MSN: variants seen among roughly 807,000 people sequenced by gnomAD.
The protein encoded by MSN is moesin.
Under a neutral mutation model 48.0 loss-of-function variants are expected in MSN, and 2 were observed. That is an observed-to-expected ratio of 0.04 (90% CI 0.02 to 0.13). MSN has a LOEUF of 0.13. MSN is among the 10% of genes least tolerant of loss of function. The probability of loss-of-function intolerance (pLI) is 1.00; values close to 1 mark genes in which losing one functional copy is unlikely to be tolerated. For missense variants in MSN, 267 were observed against 470.1 expected, an observed-to-expected ratio of 0.57 and a Z score of 3.99; for synonymous variants, 146 against 166.9, an observed-to-expected ratio of 0.87 and a Z score of 0.97.
chrX:65,606,776 C>T (rs148771330), intron 1 of MSN, among the ~76,000 whole-genome samples: 14,560 of 112,133 alleles, frequency 0.13, 2,277 homozygotes, highest in African/African-American at 0.44. Context: ...GACTGTCCAT[C>T]GTAGAATTCT....
intron 1 of MSN, among the ~76,000 whole-genome samples, chrX:65,657,002 G>C (rs1328026630): frequency 1.8e-5 from 2 of 112,095 alleles, no homozygotes; most frequent in Non-Finnish European, 3.8e-5. Flanking sequence ...ACCATGTGGA[G>C]GCTGGCCTGG....
intron 2 of MSN, among the ~76,000 whole-genome samples, chrX:65,720,754 A>G (rs1333394663): frequency 8.9e-6 from 1 of 112,044 alleles, no homozygotes; most frequent in Non-Finnish European, 1.9e-5. Context: ...CAATGACCAG[A>G]GAGGAAGCCA....
At chrX:65,716,123 G>A (rs1480556921) in intron 1 of MSN, among the ~76,000 whole-genome samples, 4 of 111,747 alleles carry the variant, frequency 3.6e-5, no homozygotes, top group African/African-American at 1.3e-4. Context: ...ATTTGCCTCT[G>A]CAATTGTTTA....
intron 1 of MSN, among the ~76,000 whole-genome samples, chrX:65,659,213 G>A (rs1413677562): frequency 9.2e-6 from 1 of 109,270 alleles, no homozygotes; most frequent in Non-Finnish European, 1.9e-5. Context: ...GTGCAGTGGT[G>A]CAATCTTGGC....
intron 1 of MSN, among the ~76,000 whole-genome samples, chrX:65,704,988 C>T (rs2071347088): frequency 1.8e-5 from 2 of 110,478 alleles, no homozygotes. Flanking sequence ...TCAGGCTGGT[C>T]TCGAACTCCT....
At chrX:65,714,281 C>T (rs996946202) in intron 1 of MSN, among the ~76,000 whole-genome samples, 9 of 111,544 alleles carry the variant, frequency 8.1e-5, no homozygotes, top group African/African-American at 2.3e-4. Context: ...TGCACATGCG[C>T]GTTTATGTAT....
intron 1 of MSN, among the ~76,000 whole-genome samples, chrX:65,614,133 T>C (rs761406506): frequency 5.6e-4 from 63 of 112,104 alleles, no homozygotes; most frequent in African/African-American, 1.8e-3. Flanking sequence ...AGGGAATCCT[T>C]TCCCCATTGC....
intron 1 of MSN, among the ~76,000 whole-genome samples, chrX:65,641,321 G>C (rs773113267): frequency 1.8e-3 from 192 of 105,932 alleles, no homozygotes; most frequent in African/African-American, 5.6e-3. Flanking sequence ...CTTGAGGTCA[G>C]GAGTTTGAGA....
At chrX:65,677,365 GAGACT>G (rs1220497760) in intron 1 of MSN, among the ~76,000 whole-genome samples, 1 of 112,324 alleles carries the variant, frequency 8.9e-6, no homozygotes, top group Non-Finnish European at 1.9e-5. Context: ...ATACTTGTGG[GAGACT>G]GACTAATTCC....
chrX:65,683,329 G>A, intron 1 of MSN, among the ~76,000 whole-genome samples: 1 of 109,670 alleles, frequency 9.1e-6, no homozygotes, highest in East Asian at 2.9e-4. Context: ...GGAAGTCCTG[G>A]CGATCATAAT....
chrX:65,695,108 G>GTT (rs1029781440), intron 1 of MSN, among the ~76,000 whole-genome samples: 1 of 81,329 alleles, frequency 1.2e-5, no homozygotes, highest in Non-Finnish European at 1.9e-5. Flanking sequence ...GTGTGTGTGT[G>GTT]TGGTGGTGGT....
chrX:65,658,825 T>TTTTTTC (rs774329982), intron 1 of MSN, among the ~76,000 whole-genome samples: 154 of 111,689 alleles, frequency 1.4e-3, no homozygotes, highest in African/African-American at 4.8e-3. Flanking sequence ...TTTCTTTTGT[T>TTTTTTC]TTTTTCTTTT....
intron 1 of MSN, among the ~76,000 whole-genome samples, chrX:65,683,936 C>CTTTTTTTTTTTTT (rs1379919738): frequency 9.9e-6 from 1 of 101,176 alleles, no homozygotes; most frequent in Non-Finnish European, 2.0e-5. Flanking sequence ...TTCTTTCTTT[C>CTTTTTTTTTTTTT]TTTTTCTTTT....
chrX:65,701,157 G>A (rs150327628), intron 1 of MSN, among the ~76,000 whole-genome samples: 73 of 111,919 alleles, frequency 6.5e-4, no homozygotes, highest in African/African-American at 2.3e-3. Flanking sequence ...AAGACGCAGA[G>A]AACTCAAGAG....
At chrX:65,592,182 C>T (rs1441639256) in intron 1 of MSN, among the ~76,000 whole-genome samples, 3 of 104,539 alleles carry the variant, frequency 2.9e-5, no homozygotes, top group East Asian at 3.0e-4. Context: ...GCATGATATC[C>T]TCTTCATCCC....
chrX:65,649,943 A>T (rs2070728349), intron 1 of MSN, among the ~76,000 whole-genome samples: 1 of 108,667 alleles, frequency 9.2e-6, no homozygotes, highest in Admixed American at 1.0e-4. Flanking sequence ...AAGGTTCTGG[A>T]ATGAGAATCA....
At chrX:65,665,021 A>T (rs1261382954), upstream of MSN, among the ~76,000 whole-genome samples, 1 of 110,304 alleles carries the variant, frequency 9.1e-6, no homozygotes, top group Non-Finnish European at 1.9e-5. Context: ...AAGTGCTGGG[A>T]TTACAGGTGT....
chrX:65,654,363 G>A (rs1284806112), intron 1 of MSN, among the ~76,000 whole-genome samples: 4 of 107,293 alleles, frequency 3.7e-5, no homozygotes, highest in African/African-American at 6.8e-5. Flanking sequence ...CCTCGTGATC[G>A]GCCCTCCTCG....
At chrX:65,673,381 C>A (rs2070961982) in intron 1 of MSN, among the ~76,000 whole-genome samples, 1 of 111,110 alleles carries the variant, frequency 9.0e-6, no homozygotes, top group South Asian at 3.7e-4. Context: ...GATATTGAGG[C>A]CTTCCTAAGG....
Sources: allele counts gnomAD v4.1 joint callset (sites outside exome capture counted in the v4.1 genomes callset), GRCh38; gene constraint gnomAD v4.1.1; transcripts MANE v1.5; gene names NCBI Gene and HGNC (gene_info 2026-07-23, HGNC 2026-07-21).